NRG1: variants seen among roughly 807,000 people sequenced by gnomAD.
NRG1 encodes neuregulin 1.
In NRG1, 18 loss-of-function variants were observed where a neutral mutation model predicts 63.8. The observed-to-expected ratio is 0.28, with a 90% CI of 0.19 to 0.42. NRG1 has a LOEUF of 0.42. Ranked by LOEUF, NRG1 falls within the 10% of genes least tolerant of loss-of-function variation. NRG1 has a pLI of 1.00. For synonymous variants in NRG1, 302 were observed against 301.3 expected (o/e 1.00, Z -0.02); for missense variants, 762 against 814.7 (o/e 0.94, Z 0.79).
intron 1 of NRG1, among the ~76,000 whole-genome samples, chr8:32,273,535 T>C (rs1586553872): frequency 1.3e-5 from 2 of 152,234 alleles, no homozygotes; most frequent in East Asian, 1.9e-4. Flanking sequence ...TGTTGCTATG[T>C]GATTACAGAG....
At chr8:32,300,237 C>CT (rs1855426411) in intron 1 of NRG1, among the ~76,000 whole-genome samples, 1 of 151,938 alleles carries the variant, frequency 6.6e-6, no homozygotes, top group South Asian at 2.1e-4. Context: ...ATCGTTAACA[C>CT]TTTTTTCAAT....
intron 1 of NRG1, among the ~76,000 whole-genome samples, chr8:31,939,356 A>G (rs930020397): frequency 1.3e-5 from 2 of 152,182 alleles, no homozygotes; most frequent in African/African-American, 4.8e-5. Flanking sequence ...CAGGCACACA[A>G]ATGATGAGAG....
At chr8:31,894,760 C>G (rs563156023) in intron 1 of NRG1, among the ~76,000 whole-genome samples, 9 of 151,856 alleles carry the variant, frequency 5.9e-5, no homozygotes, top group Non-Finnish European at 1.2e-4. Context: ...CTGTGTTAGC[C>G]GGGATGGTCT....
intron 1 of NRG1, among the ~76,000 whole-genome samples, chr8:32,269,080 CT>C (rs1479070475): frequency 6.6e-6 from 1 of 152,034 alleles, no homozygotes; most frequent in Non-Finnish European, 1.5e-5. Context: ...CTTTTCCTCT[CT>C]CCCTCCCTCC....
intron 1 of NRG1, among the ~76,000 whole-genome samples, chr8:31,882,128 G>T (rs1174658043): frequency 6.6e-6 from 1 of 151,864 alleles, no homozygotes; most frequent in Non-Finnish European, 1.5e-5. Context: ...TCTTGTTAGG[G>T]GCTAATGCAG....
chr8:32,180,856 A>T (rs1841358684), intron 1 of NRG1, among the ~76,000 whole-genome samples: 2 of 152,100 alleles, frequency 1.3e-5, no homozygotes, highest in South Asian at 4.1e-4. Flanking sequence ...TCTTAGAATT[A>T]TTCCCCCAAT....
At chr8:32,033,468 C>A (rs575301267) in intron 1 of NRG1, among the ~76,000 whole-genome samples, 2 of 152,100 alleles carry the variant, frequency 1.3e-5, no homozygotes, top group East Asian at 1.9e-4. Flanking sequence ...AAAGTAGTTT[C>A]TTCTAATTCT....
intron 8 of NRG1, among the ~76,000 whole-genome samples, chr8:32,755,764 A>G (rs1051903614): frequency 1.3e-5 from 2 of 150,456 alleles, no homozygotes; most frequent in Non-Finnish European, 2.9e-5. Flanking sequence ...TTTTTTTTAG[A>G]CAGAATCTGG....
At chr8:31,680,915 C>A (rs1307376833) in intron 1 of NRG1, among the ~76,000 whole-genome samples, 1 of 152,134 alleles carries the variant, frequency 6.6e-6, no homozygotes, top group Non-Finnish European at 1.5e-5. Context: ...TTTGCCCTCC[C>A]AGATATTAAA....
At chr8:32,111,059 A>G (rs1831952052) in intron 1 of NRG1, among the ~76,000 whole-genome samples, 2 of 152,116 alleles carry the variant, frequency 1.3e-5, no homozygotes, top group South Asian at 4.1e-4. Flanking sequence ...ATTTTGACAA[A>G]TAAGCTTAGG....
chr8:31,993,687 G>A (rs983856487), intron 1 of NRG1, among the ~76,000 whole-genome samples: 8 of 151,956 alleles, frequency 5.3e-5, no homozygotes, highest in African/African-American at 1.9e-4. Context: ...CCAGTCTCAG[G>A]TGTGTCTTTA....
chr8:32,161,324 T>A (rs920234060), intron 1 of NRG1, among the ~76,000 whole-genome samples: 1 of 152,062 alleles, frequency 6.6e-6, no homozygotes, highest in African/African-American at 2.4e-5. Flanking sequence ...ATTGAATCAG[T>A]TAATTAAGGA....
intron 1 of NRG1, among the ~76,000 whole-genome samples, chr8:32,179,459 G>A (rs867981967): frequency 3.3e-4 from 51 of 152,304 alleles, no homozygotes; most frequent in African/African-American, 1.1e-3. Context: ...ATTTATTTGA[G>A]AAAAGTGAGA....
At chr8:32,541,284 T>C (rs1317791301) in intron 1 of NRG1, among the ~76,000 whole-genome samples, 1 of 152,112 alleles carries the variant, frequency 6.6e-6, no homozygotes, top group Non-Finnish European at 1.5e-5. Context: ...GATGTTTTCA[T>C]AAAGATTTAG....
intron 1 of NRG1, among the ~76,000 whole-genome samples, chr8:32,131,976 A>C (rs539753982): frequency 6.6e-6 from 1 of 152,202 alleles, no homozygotes; most frequent in East Asian, 1.9e-4. Flanking sequence ...TAAAAGATAT[A>C]TTTAAAGGCA....
chr8:31,828,713 AC>A (rs1824820097), intron 1 of NRG1, among the ~76,000 whole-genome samples: 1 of 151,960 alleles, frequency 6.6e-6, no homozygotes, highest in Admixed American at 6.6e-5. Flanking sequence ...TTTTCAACTT[AC>A]CCCTTTCCTT....
intron 1 of NRG1, among the ~76,000 whole-genome samples, chr8:32,445,632 C>T: frequency 6.6e-6 from 1 of 152,178 alleles, no homozygotes; most frequent in East Asian, 1.9e-4. Flanking sequence ...ACTGACTTCT[C>T]TCACTTCTCT....
intron 1 of NRG1, among the ~76,000 whole-genome samples, chr8:32,188,359 G>A (rs1458075848): frequency 1.3e-5 from 2 of 152,106 alleles, no homozygotes; most frequent in Non-Finnish European, 2.9e-5. Context: ...GAACCACTAC[G>A]CCCAGCTGGA....
chr8:31,820,459 T>C (rs1295637636), intron 1 of NRG1, among the ~76,000 whole-genome samples: 1 of 152,170 alleles, frequency 6.6e-6, no homozygotes, highest in Admixed American at 6.5e-5. Flanking sequence ...TCAGGAACAG[T>C]TCATTGTCTT....
Sources: gnomAD v4.1 joint callset for allele counts (sites outside exome capture counted in the v4.1 genomes callset) on GRCh38, gnomAD v4.1.1 for gene constraint, MANE v1.5 for transcripts, NCBI Gene and HGNC (gene_info 2026-07-23, HGNC 2026-07-21) for gene names.